The following PARD3B variants were observed in gnomAD, a reference collection of about 807,000 sequenced individuals.
PARD3B encodes the protein partitioning defective 3 homolog B.
PARD3B carries 103 observed loss-of-function variants against 130.2 expected under a neutral mutation model. The observed-to-expected ratio is 0.79, with a 90% CI of 0.67 to 0.93. The LOEUF is 0.93. Ranked by LOEUF, PARD3B falls within the 40% of genes least tolerant of loss-of-function variation. The pLI, the probability that PARD3B is intolerant of heterozygous loss-of-function variation, is 0.00. For synonymous variants in PARD3B, 583 were observed against 553.2 expected (o/e 1.05, Z -0.76); for missense variants, 1,609 against 1,499.2 (o/e 1.07, Z -1.21).
At position 205,550,597 on chromosome 2, in the gene PARD3B, C is replaced by A. The variant is rs1341317296; in HGVS notation, c.3181-2727C>A. ...CTACTGCTGATAACATCCTGAATGGCACTTGAAAATACATTATCCTATTTC... is the reference window on the plus strand; with the variant it reads ...CTACTGCTGATAACATCCTGAATGGAACTTGAAAATACATTATCCTATTTC... On this transcript the variant is annotated intron_variant, in intron 21 of 22. Coordinates refer to ENST00000406610, the MANE Select transcript of PARD3B (RefSeq NM_001302769.2). This position sits in a 1 kb window ranked among gnomAD's most constrained non-coding sequence, Gnocchi z 4.5. Among the ~76,000 whole-genome samples, 1 of 152,056 alleles carries A rather than the reference C, an allele frequency of 6.6e-6. No homozygotes were observed. Among genetic ancestry groups the A allele is most frequent in the Non-Finnish European group, 1.5e-5 (1 of 68,030 alleles).
chr2:205,583,377 C>CTGTGTGTGTG (rs139162850), intron 22 of PARD3B, among the ~76,000 whole-genome samples: 27,174 of 150,332 alleles, frequency 0.18, 2,440 homozygotes, highest in African/African-American at 0.2. Flanking sequence ...CTCCTAAGCT[C>CTGTGTGTGTG]TGTGTGTGTG....
chr2:204,822,139 A>G (rs1289016041), intron 2 of PARD3B, among the ~76,000 whole-genome samples: 3 of 152,346 alleles, frequency 2.0e-5, no homozygotes, highest in South Asian at 4.1e-4. Context: ...CAAAATACCA[A>G]CATTAACAGG....
chr2:205,051,105 G>A (rs1699162644), intron 4 of PARD3B, among the ~76,000 whole-genome samples: 1 of 152,172 alleles, frequency 6.6e-6, no homozygotes, highest in East Asian at 1.9e-4. Context: ...TCTAACACTG[G>A]TACCCTGCAG....
rs2039370977 is a variant in PARD3B at position 205,241,915 on chromosome 2, G to A, written c.2141-3863G>A. On this transcript the variant is annotated intron_variant, in intron 15 of 22. Transcript: ENST00000406610. This position sits in a 1 kb window ranked among gnomAD's most constrained non-coding sequence, Gnocchi z 4.2. ...GCTCTAAGTTAATGTGAGTTATAAA[G>A]GAAGTTGGTATTAATTATAACACTT... Among the ~76,000 whole-genome samples the A allele has an allele frequency of 6.6e-6, 1 of 151,998 alleles. No individual in the cohort carries two copies. Among genetic ancestry groups the A allele is most frequent in the African/African-American group, 2.4e-5 (1 of 41,384 alleles).
At position 205,523,219 on chromosome 2, in the gene PARD3B, G is replaced by A. The variant is rs113220664; in HGVS notation, c.3180+23188G>A. Among the ~76,000 whole-genome samples, 90 of 113,714 alleles carry A rather than the reference G, an allele frequency of 7.9e-4. No individual in the cohort carries two copies. The South Asian group carries it at 0.02, about 25-fold the overall frequency. 74.6% of individuals were successfully genotyped at this position (113,714 alleles called of 152,430 possible). On this transcript the variant is annotated intron_variant, in intron 21 of 22. Coordinates refer to ENST00000406610, the MANE Select transcript of PARD3B (RefSeq NM_001302769.2). ...ACCCCCGTGTACTATATGTGTGTGT[G>A]TGTGTGTATATATATATATATATTT...
chr2:204,798,337 T>A (rs556961545), intron 2 of PARD3B, among the ~76,000 whole-genome samples: 38 of 152,164 alleles, frequency 2.5e-4, no homozygotes, highest in Non-Finnish European at 4.9e-4. Flanking sequence ...GTGGCACTCA[T>A]GGAGGGAGCA....
intron 21 of PARD3B, among the ~76,000 whole-genome samples, chr2:205,537,887 A>T (rs2051935061): frequency 6.6e-6 from 1 of 152,220 alleles, no homozygotes; most frequent in African/African-American, 2.4e-5. Flanking sequence ...TTGCCACATG[A>T]ATTAGAGCAT....
intron 1 of PARD3B, among the ~76,000 whole-genome samples, chr2:204,559,801 A>G (rs1017517920): frequency 6.6e-6 from 1 of 152,248 alleles, no homozygotes; most frequent in Admixed American, 6.5e-5. Context: ...ATGTCCATCA[A>G]TGATAGACTG....
chr2:204,613,506 A>G (rs2034002911), intron 1 of PARD3B, among the ~76,000 whole-genome samples: 1 of 150,640 alleles, frequency 6.6e-6, no homozygotes, highest in Non-Finnish European at 1.5e-5. Flanking sequence ...TATTCTCAAG[A>G]CACACAGTTT....
At chr2:205,449,130 C>T (rs570038045) in intron 20 of PARD3B, among the ~76,000 whole-genome samples, 101 of 142,718 alleles carry the variant, frequency 7.1e-4, no homozygotes, top group African/African-American at 2.3e-3. Flanking sequence ...TGTGCCATTG[C>T]ACTCCAGCCT....
In PARD3B at chr2:205,352,599, A is replaced by G. The variant is rs1211364873; in HGVS notation, c.2631-48414A>G. Among the ~76,000 whole-genome samples, 1 of 152,194 alleles carries G rather than the reference A, an allele frequency of 6.6e-6. No individual in the cohort carries two copies. Among genetic ancestry groups the G allele is most frequent in the Non-Finnish European group, 1.5e-5 (1 of 68,046 alleles). Reference sequence around the variant, plus strand: ...ATTTCACGAGAAATAGAAGGCACGAAATAACCATTTTGGAGCAGATACACA... The same window carrying G: ...ATTTCACGAGAAATAGAAGGCACGAGATAACCATTTTGGAGCAGATACACA... On this transcript the variant is annotated intron_variant, in intron 18 of 22. Coordinates refer to ENST00000406610, the MANE Select transcript of PARD3B (RefSeq NM_001302769.2). This position sits in a 1 kb window ranked among gnomAD's most constrained non-coding sequence, Gnocchi z 5.2.
At chr2:205,353,109 C>T (rs1427436189) in intron 18 of PARD3B, among the ~76,000 whole-genome samples, 4 of 152,178 alleles carry the variant, frequency 2.6e-5, no homozygotes, top group African/African-American at 9.7e-5. Context: ...TGTGTCCAGC[C>T]TGTGCCACCA....
intron 1 of PARD3B, among the ~76,000 whole-genome samples, chr2:204,563,205 C>T (rs1027293984): frequency 1.5e-4 from 22 of 145,844 alleles, no homozygotes; most frequent in Admixed American, 2.1e-4. Context: ...TTTTACATGC[C>T]GTCTTCCCGC....
intron 2 of PARD3B, among the ~76,000 whole-genome samples, chr2:204,920,377 A>G (rs371908352): frequency 1.3e-5 from 2 of 152,200 alleles, no homozygotes; most frequent in African/African-American, 4.8e-5. Context: ...TCAAGAAGCA[A>G]ACCACCAAGG....
rs1467785473 is a variant in PARD3B, at chr2:205,421,082, G to C, written c.2742-19288G>C. Among the ~76,000 whole-genome samples, 1 of 151,946 alleles carries C rather than the reference G, an allele frequency of 6.6e-6. No homozygotes were observed. The highest frequency in any genetic ancestry group is 1.5e-5 in the Non-Finnish European group (1 of 67,996). On this transcript the variant is annotated intron_variant, in intron 19 of 22. Coordinates refer to ENST00000406610, the MANE Select transcript of PARD3B (RefSeq NM_001302769.2). This position sits in a 1 kb window ranked among gnomAD's most constrained non-coding sequence, Gnocchi z 5.1. ...CTTGAACCCGGAGGGAGTGAGCCAA[G>C]GTCATGCCACTACACTCCAGCCTGG...
At chr2:204,552,556 G>C (rs566498688) in intron 1 of PARD3B, among the ~76,000 whole-genome samples, 19 of 152,290 alleles carry the variant, frequency 1.2e-4, no homozygotes, top group Admixed American at 8.5e-4. Context: ...TGGGTTCTTG[G>C]TCATGAAATC....
At chr2:204,791,612 T>C (rs1010064001) in intron 2 of PARD3B, among the ~76,000 whole-genome samples, 1 of 152,264 alleles carries the variant, frequency 6.6e-6, no homozygotes, top group Non-Finnish European at 1.5e-5. Flanking sequence ...TTTCAGTGGC[T>C]TACCTGAACT....
intron 16 of PARD3B, among the ~76,000 whole-genome samples, chr2:205,272,379 C>T (rs904889540): frequency 2.0e-5 from 3 of 151,980 alleles, no homozygotes; most frequent in Admixed American, 6.6e-5. Context: ...TCTGATAGAC[C>T]GTATTTGCCA....
At chr2:205,604,262 A>G (rs189783011) in intron 22 of PARD3B, among the ~76,000 whole-genome samples, 1 of 152,196 alleles carries the variant, frequency 6.6e-6, no homozygotes, top group Non-Finnish European at 1.5e-5. Context: ...TTACAAAAGA[A>G]AGAAGTTTAA....
Sources: gnomAD v4.1 joint callset for allele counts (sites outside exome capture counted in the v4.1 genomes callset) on GRCh38, gnomAD v4.1.1 for gene constraint, Gnocchi (gnomAD v3.1) non-coding constraint, MANE v1.5 for transcripts, NCBI Gene and HGNC (gene_info 2026-07-23, HGNC 2026-07-21) for gene names.